The following UBP1 variants were observed in gnomAD, a reference collection of about 807,000 sequenced individuals.
The protein encoded by UBP1 is upstream-binding protein 1.
A neutral mutation model predicts 76.1 loss-of-function variants in UBP1; 22 were observed. The ratio of observed to expected loss-of-function variants is 0.29; its 90% CI spans 0.21 to 0.41. UBP1 has a LOEUF of 0.41. UBP1 is among the 10% of genes least tolerant of loss of function. UBP1 has a pLI of 1.00. For missense variants in UBP1, 436 were observed against 668.1 expected (o/e 0.65, Z 3.83); for synonymous variants, 224 against 237.1 (o/e 0.94, Z 0.51).
chr3:33,412,837 A>G lies in UBP1; in HGVS notation c.343-10T>C. 6.3e-7 allele frequency: 1 copy of G among 1,593,724 alleles called. No homozygotes were observed. The highest frequency in any genetic ancestry group is 8.6e-7 in the Non-Finnish European group (1 of 1,161,460). On this transcript the variant is annotated splice_polypyrimidine_tract_variant and intron_variant, in intron 3 of 15. Transcript: ENST00000283629. The stretch of plus-strand genomic sequence containing the variant: ...CAACCCTTATGATGCTCTGTGGAAT[A>G]AGTGCGGAAAATGAGTACTTTTAAA...
At chr3:33,430,616 A>G (rs1303183973) in intron 1 of UBP1, among the ~76,000 whole-genome samples, 1 of 152,242 alleles carries the variant, frequency 6.6e-6, no homozygotes, top group African/African-American at 2.4e-5. Flanking sequence ...GCAGAAGGTT[A>G]GAAGCCTGAA....
chr3:33,424,849 T>A (rs1160388132), intron 2 of UBP1, among the ~76,000 whole-genome samples: 3 of 152,176 alleles, frequency 2.0e-5, no homozygotes, highest in African/African-American at 7.2e-5. Context: ...AGTCTGAGAC[T>A]AGCCTGGCCA....
chr3:33,436,328 T>C (rs1379646616), intron 1 of UBP1, among the ~76,000 whole-genome samples: 2 of 152,264 alleles, frequency 1.3e-5, no homozygotes, highest in African/African-American at 4.8e-5. Context: ...AACCTTGTTG[T>C]ACAATAGATT....
chr3:33,412,924 CA>C (rs1257796450), intron 3 of UBP1, 97 bp from the exon 4 acceptor site: 2 of 770,872 alleles, frequency 2.6e-6, no homozygotes, highest in Non-Finnish European at 4.6e-6. Flanking sequence ...AGCAGTAGAA[CA>C]CATACAACTA....
rs1360264964 is a variant in UBP1, at chr3:33,439,891, C to T, written c.-43G>A. ...GCCCCGCACACCGCGGCCTCCGCGTCCAGGGCGAAGGAGCCGGAGCTCCGC... is the reference window on the plus strand; with the variant it reads ...GCCCCGCACACCGCGGCCTCCGCGTTCAGGGCGAAGGAGCCGGAGCTCCGC... On this transcript the variant is annotated 5_prime_UTR_variant, in exon 1 of 16. Coordinates refer to ENST00000283629, the MANE Select transcript of UBP1 (RefSeq NM_014517.5). The T allele has an allele frequency of 1.9e-6, 3 of 1,605,222 alleles. No homozygotes were observed. The highest frequency in any genetic ancestry group is 1.7e-6 in the Non-Finnish European group (2 of 1,175,940).
chr3:33,421,731 T>C (rs2044899363), intron 2 of UBP1, among the ~76,000 whole-genome samples: 1 of 152,234 alleles, frequency 6.6e-6, no homozygotes, highest in Non-Finnish European at 1.5e-5. Flanking sequence ...CAGCATTACA[T>C]AGTGGCAAAT....
At chr3:33,433,596 T>G (rs1032349765) in intron 1 of UBP1, among the ~76,000 whole-genome samples, 1 of 151,572 alleles carries the variant, frequency 6.6e-6, no homozygotes, top group African/African-American at 2.4e-5. Context: ...GAGGTTGCGG[T>G]GAGCTGAGAC....
intron 3 of UBP1, among the ~76,000 whole-genome samples, chr3:33,415,135 C>G (rs884796): frequency 0.18 from 27,627 of 152,156 alleles, 3,188 homozygotes; most frequent in East Asian, 0.47. Flanking sequence ...GGTATTTTAA[C>G]CAGCTTGCCA....
At chr3:33,404,433 A>G (rs1453283419) in intron 8 of UBP1, among the ~76,000 whole-genome samples, 4 of 151,860 alleles carry the variant, frequency 2.6e-5, no homozygotes, top group South Asian at 2.1e-4. Context: ...AAATAGATAA[A>G]TAAGTAAATA....
intron 8 of UBP1, chr3:33,403,207 C>T (rs974719928): frequency 2.1e-5 from 6 of 288,082 alleles, no homozygotes; most frequent in African/African-American, 1.4e-4. Context: ...CTTTCTCCTC[C>T]CTCTTTACCA....
chr3:33,390,438 C>A (rs1559661362), intron 15 of UBP1, 70 bp from the exon 16 acceptor site: 1 of 1,533,568 alleles, frequency 6.5e-7, no homozygotes. Context: ...ATGGAAAACT[C>A]CCTGCCAACT....
rs1454819542 is a variant in UBP1, at chr3:33,425,571, G to A, written c.265+19C>T. On this transcript the variant is annotated intron_variant, in intron 2 of 15. Transcript: ENST00000283629. ...TTCTGTAAATTCTTACATGTCAAAT[G>A]TGACATAACCACACTAACCTTGGTT... 8 of 1,489,452 alleles carry A rather than the reference G, an allele frequency of 5.4e-6. 1 individual carries two copies. Among genetic ancestry groups the A allele is most frequent in the South Asian group, 4.3e-5 (3 of 70,126 alleles). The allele number at this position is 1,489,452 out of a possible 1,614,324, so 92.3% of individuals were successfully genotyped here.
At chr3:33,404,938 T>C (rs2044377155) in intron 8 of UBP1, among the ~76,000 whole-genome samples, 2 of 152,212 alleles carry the variant, frequency 1.3e-5, no homozygotes, top group Admixed American at 6.5e-5. Context: ...AAGATGCATT[T>C]CCAATAATAT....
rs1358546638 is a variant in UBP1, at chr3:33,408,716, C to T, written c.901G>A (p.Gly301Ser). The change falls in exon 8 of 16, where the codon GGT becomes AGT. Residue 301 changes from glycine to serine, a missense_variant. Physicochemically the swap from Gly to Ser is moderately conservative, Grantham distance 56. Transcript: ENST00000283629. ...SSKRTLPADY[G>S]DSLAKRGSCS... ...CTGCCTCGCTTTGCCAGAGAATCAC[C>T]GTAGTCTGCTGGCAAAGTCCGCTTG... is the stretch of plus-strand genomic sequence containing the variant. 2 of 1,613,728 alleles carry T rather than the reference C, an allele frequency of 1.2e-6. No individual in the cohort carries two copies. The highest frequency in any genetic ancestry group is 1.7e-6 in the Non-Finnish European group (2 of 1,179,884).
chr3:33,412,323 A>C (rs571984904), intron 4 of UBP1, among the ~76,000 whole-genome samples: 1 of 152,232 alleles, frequency 6.6e-6, no homozygotes, highest in African/African-American at 2.4e-5. Context: ...GGTTCTTTAT[A>C]ATACGAGGAT....
chr3:33,396,220 C>G lies in UBP1; in HGVS notation c.1332G>C (p.Leu444=). ...TGCTTGCAGCTTGCTGCTGCCCTTG[C>G]AGCACTGTGCTGCTTGGCTGCTCCC... ...VCREQPSSTV[L]QGQQQAASSA... Residue 444 remains leucine, a synonymous_variant, in exon 13 of 16, where the codon CTG becomes CTC. Coordinates refer to ENST00000283629, the MANE Select transcript of UBP1 (RefSeq NM_014517.5). 1 of 1,595,204 alleles carries G rather than the reference C, an allele frequency of 6.3e-7. No homozygotes were observed. The highest frequency in any genetic ancestry group is 1.3e-5 in the African/African-American group (1 of 74,780).
chr3:33,440,987 C>A (rs2045293073), upstream of UBP1: 2 of 152,264 alleles, frequency 1.3e-5, no homozygotes, highest in African/African-American at 4.8e-5. Flanking sequence ...CCAATCAACG[C>A]TCCTGAGAAA....
intron 2 of UBP1, among the ~76,000 whole-genome samples, chr3:33,423,051 T>G (rs983429994): frequency 1.3e-5 from 2 of 151,820 alleles, no homozygotes; most frequent in Non-Finnish European, 2.9e-5. Context: ...GTTTGTTTTT[T>G]TTTTTTTTGA....
At chr3:33,411,195 G>A (rs796969493) in intron 5 of UBP1, among the ~76,000 whole-genome samples, 13 of 152,210 alleles carry the variant, frequency 8.5e-5, no homozygotes, top group African/African-American at 3.1e-4. Context: ...ATTTGTAGAG[G>A]TTTGAATTTT....
Sources: allele counts gnomAD v4.1 joint callset (sites outside exome capture counted in the v4.1 genomes callset), GRCh38; gene constraint gnomAD v4.1.1; transcripts MANE v1.5; gene names NCBI Gene and HGNC (gene_info 2026-07-23, HGNC 2026-07-21).